Variants in RPH3A observed in about 807,000 individuals in gnomAD.
The protein encoded by RPH3A is rabphilin 3A, also known as rabphilin-3A.
A neutral mutation model predicts 102.2 loss-of-function variants in RPH3A; 48 were observed. The ratio of observed to expected loss-of-function variants is 0.47; its 90% CI spans 0.37 to 0.60. The LOEUF is 0.60. Among genes scored for constraint, RPH3A ranks in the 20% least tolerant of loss-of-function variants. The pLI is 0.00. For missense variants in RPH3A, 781 were observed against 910.1 expected (o/e 0.86, Z 1.83); for synonymous variants, 310 against 324.3 (o/e 0.96, Z 0.47).
rs1052204101 is a variant in RPH3A at position 112,627,132 on chromosome 12, C to T, written c.-140+51813C>T. 2.9e-4 allele frequency among the ~76,000 whole-genome samples: 41 copies of T among 142,328 alleles called. No individual in the cohort carries two copies. The East Asian group carries it at 4.1e-3, about 14-fold the overall frequency. 93.4% of individuals were successfully genotyped at this position (142,328 alleles called of 152,430 possible). ...CTAGATGACGAGTTAGTGGGTGCAG[C>T]GCACCAGCATGGCACATGTATACAT... On this transcript the variant is annotated intron_variant, in intron 1 of 21. Coordinates refer to the RPH3A transcript ENST00000543106.
rs910308506 is a variant in RPH3A at position 112,785,232 on chromosome 12, A to AG, written c.-139-6911_-139-6910insG. On this transcript the variant is annotated intron_variant, in intron 1 of 21. Transcript: ENST00000543106. The stretch of plus-strand genomic sequence containing the variant: ...AGCGAAACTCCCATCTCAAAAAAGA[A>AG]AAAAAAAAAAAAGATACAGCTGCAT... Among the ~76,000 whole-genome samples, 6 of 133,212 alleles carry AG rather than the reference A, an allele frequency of 4.5e-5. 1 individual carries two copies. The East Asian group carries it at 1.2e-3, about 26-fold the overall frequency. 87.4% of individuals were successfully genotyped at this position (133,212 alleles called of 152,430 possible). A position where few individuals can be genotyped will look rare whatever the true frequency, so the allele number is the denominator to read the frequency against.
intron 1 of RPH3A, among the ~76,000 whole-genome samples, chr12:112,675,888 T>A (rs2040170757): frequency 6.6e-6 from 1 of 151,820 alleles, no homozygotes; most frequent in Admixed American, 6.5e-5. Flanking sequence ...CAGGAACTGT[T>A]TAAATAGGGG....
chr12:112,686,597 G>A (rs1376779368), intron 1 of RPH3A, among the ~76,000 whole-genome samples: 1 of 152,184 alleles, frequency 6.6e-6, no homozygotes, highest in East Asian at 1.9e-4. Flanking sequence ...CCTGCCAGCT[G>A]ACATTCAGTC....
intron 1 of RPH3A, among the ~76,000 whole-genome samples, chr12:112,580,561 G>T (rs749361258): frequency 1.3e-5 from 2 of 151,608 alleles, no homozygotes; most frequent in South Asian, 4.2e-4. Context: ...CCGCCACCAC[G>T]CCCGGCTAAT....
chr12:112,781,181 C>T (rs759000272), intron 1 of RPH3A, among the ~76,000 whole-genome samples: 14 of 119,440 alleles, frequency 1.2e-4, no homozygotes, highest in Non-Finnish European at 2.1e-4. Context: ...ACAAAACAAA[C>T]AAAAAAACCA....
At chr12:112,747,968 C>T (rs908847039) in intron 1 of RPH3A, among the ~76,000 whole-genome samples, 1 of 152,142 alleles carries the variant, frequency 6.6e-6, no homozygotes, top group African/African-American at 2.4e-5. Context: ...AGCTGGATTT[C>T]GGGGGCCAAC....
intron 2 of RPH3A, among the ~76,000 whole-genome samples, chr12:112,820,786 G>A (rs2041763858): frequency 6.6e-6 from 1 of 152,198 alleles, no homozygotes; most frequent in African/African-American, 2.4e-5. Flanking sequence ...AATGGGGACT[G>A]TCCTGTGGGG....
rs183395375 is a variant in RPH3A at position 112,825,592 on chromosome 12, C to T, written c.-18-2709C>T. On this transcript the variant is annotated intron_variant, in intron 2 of 21. Coordinates refer to ENST00000389385, the MANE Select transcript of RPH3A (RefSeq NM_001143854.2). ...GGGTCGGGGGCAGGTTCAGAAAGAA[C>T]GGAAGCCTGGCTGAGTTGAGCCGCA... Among the ~76,000 whole-genome samples, 11 of 152,242 alleles carry T rather than the reference C, an allele frequency of 7.2e-5. No homozygotes were observed. In the East Asian group the frequency reaches 1.7e-3, roughly 24 times the overall value.
At chr12:112,851,118 T>C (rs2042316151) in intron 5 of RPH3A, among the ~76,000 whole-genome samples, 1 of 152,222 alleles carries the variant, frequency 6.6e-6, no homozygotes, top group East Asian at 1.9e-4. Context: ...ATAATCATCA[T>C]GATGGATGCA....
chr12:112,783,342 C>T (rs187786698), intron 1 of RPH3A, among the ~76,000 whole-genome samples: 23 of 152,230 alleles, frequency 1.5e-4, no homozygotes, highest in Admixed American at 9.2e-4. Flanking sequence ...CCTGGTCTCC[C>T]GTGGAGGTAA....
At chr12:112,792,814 A>G (rs984320543) in intron 2 of RPH3A, among the ~76,000 whole-genome samples, 1 of 152,218 alleles carries the variant, frequency 6.6e-6, no homozygotes, top group South Asian at 2.1e-4. Context: ...TTGGCTGTTC[A>G]CGCTTTCCTG....
Position 112,828,474 on chromosome 12 carries a change from G to A in RPH3A, c.71+85G>A. On this transcript the variant is annotated intron_variant, in intron 3 of 21. Transcript: ENST00000389385. Reference sequence around the variant, plus strand: ...CTACACTTGAAAAAAAGAAGGAATAGCTTCCTTCCCTGAGGAAGGGGGAGA... The same window carrying A: ...CTACACTTGAAAAAAAGAAGGAATAACTTCCTTCCCTGAGGAAGGGGGAGA... 5.0e-6 allele frequency: 5 copies of A among 1,001,414 alleles called. No individual in the cohort carries two copies. In the Admixed American group the frequency reaches 1.1e-4, roughly 23 times the overall value. 62.0% of individuals were successfully genotyped at this position (1,001,414 alleles called of 1,614,324 possible). A position where few individuals can be genotyped will look rare whatever the true frequency, so the allele number is the denominator to read the frequency against.
At chr12:112,636,923 G>C (rs1242585854) in intron 1 of RPH3A, among the ~76,000 whole-genome samples, 1 of 152,086 alleles carries the variant, frequency 6.6e-6, no homozygotes, top group African/African-American at 2.4e-5. Context: ...ACATGTGGAG[G>C]AGGGGCCCCC....
intron 4 of RPH3A, chr12:112,842,056 C>A (rs2042156742): frequency 2.2e-6 from 1 of 455,960 alleles, no homozygotes; most frequent in South Asian, 1.5e-5. Context: ...AGTCAGTGAT[C>A]CAGGCTGTGC....
intron 1 of RPH3A, among the ~76,000 whole-genome samples, chr12:112,762,376 C>A (rs1224623700): frequency 1.3e-5 from 2 of 152,160 alleles, no homozygotes; most frequent in African/African-American, 4.8e-5. Context: ...TTCACATTGA[C>A]CTTCCCAGAC....
intron 1 of RPH3A, among the ~76,000 whole-genome samples, chr12:112,710,799 CCTTT>C (rs1352470112): frequency 6.6e-6 from 1 of 152,194 alleles, no homozygotes; most frequent in Non-Finnish European, 1.5e-5. Context: ...CTTTCCCTTC[CCTTT>C]CTTTTCCGTT....
In RPH3A at chr12:112,603,463, C is replaced by T. The variant is rs542904163; in HGVS notation, c.-140+28144C>T. 2.6e-5 allele frequency among the ~76,000 whole-genome samples: 4 copies of T among 152,072 alleles called. No individual in the cohort carries two copies. The South Asian group carries it at 6.2e-4, about 24-fold the overall frequency. On this transcript the variant is annotated intron_variant, in intron 1 of 21. Coordinates refer to the RPH3A transcript ENST00000543106. ...CAGCTACTCCATAGACAGAGTAGGGCGTTCCTGAAAGTAAGAGGAGGAACA... is the reference window on the plus strand; with the variant it reads ...CAGCTACTCCATAGACAGAGTAGGGTGTTCCTGAAAGTAAGAGGAGGAACA...
At chr12:112,800,499 G>A (rs939088946) in intron 2 of RPH3A, among the ~76,000 whole-genome samples, 1 of 152,146 alleles carries the variant, frequency 6.6e-6, no homozygotes, top group Admixed American at 6.5e-5. Flanking sequence ...TTATTTTGCA[G>A]GGAGCGTTTT....
At chr12:112,730,735 G>A (rs1348584203) in intron 1 of RPH3A, among the ~76,000 whole-genome samples, 4 of 152,160 alleles carry the variant, frequency 2.6e-5, no homozygotes, top group Non-Finnish European at 5.9e-5. Flanking sequence ...ATACCTGGCC[G>A]AGACGGTCAG....
Sources: gnomAD v4.1 joint callset for allele counts (sites outside exome capture counted in the v4.1 genomes callset) on GRCh38, gnomAD v4.1.1 for gene constraint, MANE v1.5 for transcripts, NCBI Gene and HGNC (gene_info 2026-07-23, HGNC 2026-07-21) for gene names.